The following DHX40 variants were observed in gnomAD, a reference collection of about 807,000 sequenced individuals.
DHX40 encodes DEAH-box helicase 40.
DHX40 carries 28 observed loss-of-function variants against 89.6 expected under a neutral mutation model. The ratio of observed to expected loss-of-function variants is 0.31; its 90% CI spans 0.23 to 0.43. DHX40 has a LOEUF of 0.43. Ranked by LOEUF, DHX40 falls within the 20% of genes least tolerant of loss-of-function variation. The pLI is 1.00. For missense variants in DHX40, 457 were observed against 844.0 expected (o/e 0.54, Z 5.68); for synonymous variants, 226 against 283.6 (o/e 0.80, Z 2.04).
chr17:59,606,965 T>C, intron 17 of DHX40, 68 bp from the exon 18 acceptor site: 7 of 1,411,960 alleles, frequency 5.0e-6, no homozygotes, highest in Non-Finnish European at 6.8e-6. Flanking sequence ...GGGCTTCTCT[T>C]TCTCTTAACA....
chr17:59,585,739 G>A (rs1247323205), intron 10 of DHX40, among the ~76,000 whole-genome samples: 2 of 147,086 alleles, frequency 1.4e-5, no homozygotes, highest in Non-Finnish European at 3.0e-5. Context: ...AAAGCATTTT[G>A]AGGTACTATT....
At chr17:59,604,765 G>A (rs565575905) in intron 15 of DHX40, 6 of 208,788 alleles carry the variant, frequency 2.9e-5, no homozygotes, top group East Asian at 1.0e-4. Context: ...TTTACCATGC[G>A]TTAGCGCTGG....
chr17:59,565,799 C>T lies in DHX40; in HGVS notation c.112+16C>T. The T allele has an allele frequency of 6.3e-7, 1 of 1,588,874 alleles. No individual in the cohort carries two copies. Among genetic ancestry groups the T allele is most frequent in the Non-Finnish European group, 8.5e-7 (1 of 1,171,032 alleles). ...GCCGATAGAGGTGCGGTCCGCGGGA[C>T]GGTACGGAAGCCAGCGGGAGTTACG... On this transcript the variant is annotated intron_variant, in intron 1 of 17. Coordinates refer to ENST00000251241, the MANE Select transcript of DHX40 (RefSeq NM_024612.5).
chr17:59,590,567 A>G (rs2049067927), intron 12 of DHX40, among the ~76,000 whole-genome samples: 1 of 151,616 alleles, frequency 6.6e-6, no homozygotes, highest in Non-Finnish European at 1.5e-5. Context: ...TTCCAGGCTC[A>G]AGTGATCCTC....
chr17:59,594,127 G>A (rs1172501540), intron 12 of DHX40, among the ~76,000 whole-genome samples: 1 of 151,990 alleles, frequency 6.6e-6, no homozygotes. Context: ...TTGGGCATGA[G>A]AACAATCTTC....
At chr17:59,569,480 GA>G (rs201827564) in intron 2 of DHX40, among the ~76,000 whole-genome samples, 3 of 150,406 alleles carry the variant, frequency 2.0e-5, no homozygotes, top group Admixed American at 6.6e-5. Context: ...TTTTTAGACA[GA>G]AAAAAACAGA....
In DHX40 at chr17:59,586,107, A is replaced by G. The variant is rs902600503; in HGVS notation, c.1344-46A>G. ...CGTCATGTCTATATAAAATCCTACCATGTTCAAGGAATGCCTCTCACTTCA... is the reference window on the plus strand; with the variant it reads ...CGTCATGTCTATATAAAATCCTACCGTGTTCAAGGAATGCCTCTCACTTCA... On this transcript the variant is annotated intron_variant, in intron 10 of 17. Coordinates refer to ENST00000251241, the MANE Select transcript of DHX40 (RefSeq NM_024612.5). The G allele has an allele frequency of 5.1e-6, 7 of 1,364,950 alleles. No homozygotes were observed. In the African/African-American group the frequency reaches 7.4e-5, roughly 14 times the overall value. The allele number at this position is 1,364,950 out of a possible 1,614,324, so 84.6% of individuals were successfully genotyped here.
At chr17:59,567,897 A>G (rs947221018) in intron 2 of DHX40, among the ~76,000 whole-genome samples, 8 of 149,764 alleles carry the variant, frequency 5.3e-5, no homozygotes, top group African/African-American at 1.7e-4. Context: ...GTGCCACTGT[A>G]CTCCAGCCTG....
intron 2 of DHX40, among the ~76,000 whole-genome samples, chr17:59,569,472 T>A (rs531342533): frequency 6.6e-6 from 1 of 150,982 alleles, no homozygotes; most frequent in African/African-American, 2.4e-5. Flanking sequence ...AGAGTAGATT[T>A]TTAGACAGAA....
At position 59,588,020 on chromosome 17, in the gene DHX40, A is replaced by G. The variant is rs761755655; in HGVS notation, c.1549A>G (p.Met517Val). Residue 517 changes from methionine (M) to valine (V), a missense_variant, in exon 12 of 18, where the codon ATG (methionine) becomes GTG (valine). Physicochemically the swap from Met to Val is conservative, Grantham distance 21. Transcript: ENST00000251241. ...AGATCTACTACTTCCAATAGCAGCA[A>G]TGTTGTCTGTGGAAAACGTCTTCAT... ...CEDLLLPIAA[M>V]LSVENVFIRP... is the part of the protein sequence containing the mutation. 32 of 1,613,564 alleles carry G rather than the reference A, an allele frequency of 2.0e-5. No individual in the cohort carries two copies. In the Admixed American group the frequency reaches 4.2e-4, roughly 21 times the overall value.
intron 3 of DHX40, among the ~76,000 whole-genome samples, chr17:59,571,185 C>G (rs768370289): frequency 6.6e-6 from 1 of 152,082 alleles, no homozygotes; most frequent in African/African-American, 2.4e-5. Context: ...GGGCTGGGCT[C>G]GATGGCTCAC....
chr17:59,600,393 A>G (rs113946414), intron 14 of DHX40, among the ~76,000 whole-genome samples: 1 of 151,976 alleles, frequency 6.6e-6, no homozygotes, highest in Non-Finnish European at 1.5e-5. Context: ...CTTATCATTG[A>G]CATTGAAGAC....
At chr17:59,572,257 C>A (rs2048820163) in intron 3 of DHX40, among the ~76,000 whole-genome samples, 1 of 152,192 alleles carries the variant, frequency 6.6e-6, no homozygotes, top group Non-Finnish European at 1.5e-5. Context: ...CCCCAAAATA[C>A]TATCTTTTTG....
In DHX40 at chr17:59,566,765, C is replaced by T; in HGVS notation, c.251C>T (p.Thr84Ile). 1 of 1,587,108 alleles carries T rather than the reference C, an allele frequency of 6.3e-7. No individual in the cohort carries two copies. Among genetic ancestry groups the T allele is most frequent in the Non-Finnish European group, 8.5e-7 (1 of 1,172,986 alleles). Residue 84 changes from threonine (T) to isoleucine (I), a missense_variant, in exon 2 of 18, where the codon ACT (threonine) becomes ATT (isoleucine). Physicochemically the swap from Thr to Ile is moderately conservative, Grantham distance 89 (BLOSUM62 -1). Around this residue, in one of 9 missense-constraint regions of DHX40, gnomAD observed 61 missense variants for 100.4 expected, o/e 0.61. Transcript: ENST00000251241. ...GGAAATACAGGAAGTGGTAAAACAA[C>T]TCAACTCCCAAAATATCTATATGAA... ...VTGNTGSGKT[T>I]QLPKYLYEAG... is the part of the protein sequence containing the mutation.
chr17:59,570,153 A>AAT (rs1469142225), intron 2 of DHX40, among the ~76,000 whole-genome samples: 22 of 129,020 alleles, frequency 1.7e-4, no homozygotes, highest in African/African-American at 6.3e-4. Flanking sequence ...TAAATTATAT[A>AAT]ATACATATAA....
At chr17:59,601,248 A>C (rs576203723) in intron 14 of DHX40, among the ~76,000 whole-genome samples, 1 of 152,066 alleles carries the variant, frequency 6.6e-6, no homozygotes, top group Non-Finnish European at 1.5e-5. Flanking sequence ...GATCCAGGCT[A>C]CAGTGAGCTG....
At chr17:59,570,121 TA>T (rs1459344786) in intron 2 of DHX40, among the ~76,000 whole-genome samples, 9 of 131,052 alleles carry the variant, frequency 6.9e-5, no homozygotes, top group Non-Finnish European at 1.5e-5. Context: ...TATTATAATG[TA>T]TATTTATATA....
intron 6 of DHX40, among the ~76,000 whole-genome samples, chr17:59,575,068 T>A (rs995476584): frequency 2.0e-5 from 3 of 151,718 alleles, no homozygotes; most frequent in Non-Finnish European, 4.4e-5. Flanking sequence ...TGTTAACAAT[T>A]TGGTGAGTCT....
Position 59,588,000 on chromosome 17 carries a change from T to C in DHX40, c.1529T>C (p.Leu510Pro). ...GCTGCTTCCCTGGATTGTGAAGATC[T>C]ACTACTTCCAATAGCAGCAATGTTG... Reference protein sequence around the residue: ...IKAASLDCEDLLLPIAAMLSV... With the variant: ...IKAASLDCEDPLLPIAAMLSV... The change falls in exon 12 of 18, where the codon CTA (leucine) becomes CCA (proline). Residue 510 changes from leucine (L) to proline (P), a missense_variant. Around this residue, in one of 9 missense-constraint regions of DHX40, gnomAD observed 19 missense variants for 24.2 expected, o/e 0.78. Coordinates refer to ENST00000251241, the MANE Select transcript of DHX40 (RefSeq NM_024612.5). The C allele has an allele frequency of 2.5e-6, 4 of 1,613,786 alleles. No homozygotes were observed. The highest frequency in any genetic ancestry group is 3.4e-6 in the Non-Finnish European group (4 of 1,179,808).
Sources: gnomAD v4.1 joint callset for allele counts (sites outside exome capture counted in the v4.1 genomes callset) on GRCh38, gnomAD v4.1.1 for gene constraint, gnomAD v4.1.1 regional missense constraint, MANE v1.5 for transcripts, NCBI Gene and HGNC (gene_info 2026-07-23, HGNC 2026-07-21) for gene names.